The following ARL15 variants were observed in gnomAD, a reference collection of about 807,000 sequenced individuals.
ARL15 encodes the protein ADP-ribosylation factor-like protein 15.
ARL15 carries 19 observed loss-of-function variants against 25.2 expected under a neutral mutation model. The ratio of observed to expected loss-of-function variants is 0.75; its 90% CI spans 0.53 to 1.10. The LOEUF is 1.10. ARL15 is among the 50% of genes least tolerant of loss of function. The probability of loss-of-function intolerance (pLI) is 0.00; values close to 1 mark genes in which losing one functional copy is unlikely to be tolerated. For synonymous variants in ARL15, 94 were observed against 86.8 expected, an observed-to-expected ratio of 1.08 and a Z score of -0.46; for missense variants, 220 against 246.0, an observed-to-expected ratio of 0.89 and a Z score of 0.71.
intron 4 of ARL15, among the ~76,000 whole-genome samples, chr5:54,047,557 G>A (rs970096442): frequency 2.0e-5 from 3 of 152,186 alleles, no homozygotes; most frequent in South Asian, 2.1e-4. Context: ...GCTGTGGCCC[G>A]GAGGTAGAGT....
At chr5:54,129,216 C>T (rs531713776) in intron 3 of ARL15, among the ~76,000 whole-genome samples, 103 of 152,242 alleles carry the variant, frequency 6.8e-4, no homozygotes, top group African/African-American at 2.4e-3. Context: ...CCTCAACTAT[C>T]CAGAAGACAG....
intron 1 of ARL15, among the ~76,000 whole-genome samples, chr5:54,256,458 C>T (rs1008720933): frequency 6.8e-6 from 1 of 147,006 alleles, no homozygotes; most frequent in Admixed American, 6.8e-5. Context: ...ATCACAGGGC[C>T]AGGCAGATTC....
chr5:53,939,123 A>G (rs1561157738), intron 4 of ARL15, among the ~76,000 whole-genome samples: 2 of 152,206 alleles, frequency 1.3e-5, no homozygotes, highest in Non-Finnish European at 2.9e-5. Context: ...TTCAAGCATC[A>G]TTAATTGATT....
chr5:54,259,701 C>T (rs993887797), intron 1 of ARL15, among the ~76,000 whole-genome samples: 16 of 152,196 alleles, frequency 1.1e-4, no homozygotes, highest in African/African-American at 3.9e-4. Flanking sequence ...AGAGAACATA[C>T]AGGCATAAAG....
chr5:54,178,911 G>A (rs1033141376), intron 1 of ARL15, among the ~76,000 whole-genome samples: 14 of 152,306 alleles, frequency 9.2e-5, no homozygotes, highest in African/African-American at 3.4e-4. Context: ...GAGCTCTGTA[G>A]GAGACATTGG....
At chr5:54,236,822 G>A (rs1756823128) in intron 1 of ARL15, among the ~76,000 whole-genome samples, 2 of 152,130 alleles carry the variant, frequency 1.3e-5, no homozygotes, top group South Asian at 2.1e-4. Flanking sequence ...TTTGTCTAAA[G>A]TGAAAAGTGT....
intron 1 of ARL15, among the ~76,000 whole-genome samples, chr5:54,237,665 G>A (rs952401610): frequency 6.6e-6 from 1 of 152,214 alleles, no homozygotes; most frequent in African/African-American, 2.4e-5. Flanking sequence ...CTGGCACAGA[G>A]AATGCAAACT....
intron 1 of ARL15, among the ~76,000 whole-genome samples, chr5:54,306,391 C>CTTTTTTTTTTTTTTTTT (rs11338403): frequency 1.5e-5 from 2 of 134,516 alleles, no homozygotes; most frequent in Non-Finnish European, 3.1e-5. Flanking sequence ...AATACGTTAA[C>CTTTTTTTTTTTTTTTTT]TTTTTTTTTT....
intron 1 of ARL15, among the ~76,000 whole-genome samples, chr5:54,219,055 A>G (rs1237524555): frequency 6.6e-6 from 1 of 152,052 alleles, no homozygotes; most frequent in African/African-American, 2.4e-5. Flanking sequence ...GACAGATTTT[A>G]AAAAGGATTT....
intron 1 of ARL15, among the ~76,000 whole-genome samples, chr5:54,190,572 C>A (rs928278619): frequency 1.6e-4 from 24 of 152,134 alleles, no homozygotes; most frequent in African/African-American, 5.3e-4. Context: ...GGGCCTTCTG[C>A]TACATCTTCA....
chr5:54,093,701 A>G (rs1215775646), intron 4 of ARL15, among the ~76,000 whole-genome samples: 1 of 151,658 alleles, frequency 6.6e-6, no homozygotes, highest in Non-Finnish European at 1.5e-5. Flanking sequence ...TAAAAAAAAA[A>G]AAAAGAAAAA....
rs574389965 is a variant in ARL15, at chr5:54,142,582, C to T, written c.253+11998G>A. Among the ~76,000 whole-genome samples, 4 of 152,272 alleles carry T rather than the reference C, an allele frequency of 2.6e-5. No individual in the cohort carries two copies. The East Asian group carries it at 7.7e-4, about 29-fold the overall frequency. On this transcript the variant is annotated intron_variant, in intron 3 of 4. Coordinates refer to ENST00000504924, the MANE Select transcript of ARL15 (RefSeq NM_019087.3). ...CTGGCCCATTCATGCCTGTGGCCTCCCTCTCCAATGACCTCCCATCACCCC... is the reference window on the plus strand; with the variant it reads ...CTGGCCCATTCATGCCTGTGGCCTCTCTCTCCAATGACCTCCCATCACCCC...
At chr5:54,120,140 T>C (rs1753027517) in intron 3 of ARL15, among the ~76,000 whole-genome samples, 1 of 152,216 alleles carries the variant, frequency 6.6e-6, no homozygotes, top group Non-Finnish European at 1.5e-5. Context: ...AAGTAGAATG[T>C]AGAATTTACC....
intron 1 of ARL15, among the ~76,000 whole-genome samples, chr5:54,275,359 T>C (rs1757899943): frequency 6.6e-6 from 1 of 152,224 alleles, no homozygotes; most frequent in Non-Finnish European, 1.5e-5. Flanking sequence ...GGAGGCTTAC[T>C]AGAGTTCACC....
At chr5:54,085,043 C>T (rs1196245412) in intron 4 of ARL15, among the ~76,000 whole-genome samples, 1 of 152,180 alleles carries the variant, frequency 6.6e-6, no homozygotes, top group Non-Finnish European at 1.5e-5. Context: ...ATCCACTTCA[C>T]TGAAATTATA....
chr5:54,149,359 A>T (rs1338464852), intron 3 of ARL15, among the ~76,000 whole-genome samples: 2 of 152,114 alleles, frequency 1.3e-5, no homozygotes, highest in Non-Finnish European at 2.9e-5. Context: ...CAGGTGTAAT[A>T]TCTTGTTTAA....
intron 1 of ARL15, among the ~76,000 whole-genome samples, chr5:54,268,964 C>T (rs961466370): frequency 2.4e-4 from 36 of 151,900 alleles, no homozygotes; most frequent in African/African-American, 7.7e-4. Flanking sequence ...AGTAAACTAT[C>T]GCAAGAACAA....
intron 4 of ARL15, among the ~76,000 whole-genome samples, chr5:54,081,532 G>A (rs1375102883): frequency 2.6e-5 from 4 of 152,114 alleles, no homozygotes; most frequent in East Asian, 3.9e-4. Flanking sequence ...GAGACCAGGT[G>A]CAGTTAACTA....
chr5:53,986,811 T>C (rs1748314025), intron 4 of ARL15, among the ~76,000 whole-genome samples: 1 of 151,968 alleles, frequency 6.6e-6, no homozygotes, highest in African/African-American at 2.4e-5. Flanking sequence ...CCTGACAGAG[T>C]CCTTTGCTAA....
Sources: gnomAD v4.1 joint callset for allele counts (sites outside exome capture counted in the v4.1 genomes callset) on GRCh38, gnomAD v4.1.1 for gene constraint, MANE v1.5 for transcripts, NCBI Gene and HGNC (gene_info 2026-07-23, HGNC 2026-07-21) for gene names.